Variants in TDRD5 observed in about 807,000 individuals in gnomAD.
TDRD5 encodes the protein tudor domain-containing protein 5.
TDRD5 carries 41 observed loss-of-function variants against 120.6 expected under a neutral mutation model. The observed-to-expected ratio is 0.34, with a 90% CI of 0.26 to 0.44. TDRD5 has a LOEUF of 0.44. Ranked by LOEUF, TDRD5 falls within the 20% of genes least tolerant of loss-of-function variation. The pLI is 1.00. For missense variants in TDRD5, 1,006 were observed against 1,221.2 expected (o/e 0.82, Z 2.63); for synonymous variants, 430 against 433.7 (o/e 0.99, Z 0.11).
chr1:179,629,449 G>T (rs904079160), intron 6 of TDRD5, among the ~76,000 whole-genome samples: 55 of 131,746 alleles, frequency 4.2e-4, no homozygotes, highest in African/African-American at 1.4e-3. Context: ...CACTAATTGA[G>T]TTTTTCAGTA....
At chr1:179,660,635 C>G (rs1243541806) in intron 14 of TDRD5, among the ~76,000 whole-genome samples, 2 of 152,072 alleles carry the variant, frequency 1.3e-5, no homozygotes, top group African/African-American at 2.4e-5. Flanking sequence ...TCTTTTTACC[C>G]CTTCCTTTTT....
intron 4 of TDRD5, among the ~76,000 whole-genome samples, chr1:179,613,964 G>A (rs1009525343): frequency 2.6e-5 from 4 of 152,240 alleles, no homozygotes; most frequent in Non-Finnish European, 4.4e-5. Context: ...AAGGTCTGAA[G>A]TATATTCATC....
intron 7 of TDRD5, among the ~76,000 whole-genome samples, chr1:179,631,986 A>G (rs1677481692): frequency 6.6e-6 from 1 of 150,688 alleles, no homozygotes. Context: ...GGCTCACTGC[A>G]ACCTCCGCCT....
At chr1:179,685,597 A>T (rs913099256) in intron 17 of TDRD5, among the ~76,000 whole-genome samples, 2 of 152,082 alleles carry the variant, frequency 1.3e-5, no homozygotes, top group Non-Finnish European at 2.9e-5. Flanking sequence ...TGGTAGTTTG[A>T]TGGGGATGGC....
At position 179,690,736 on chromosome 1, in the gene TDRD5, T is replaced by C. The variant is rs1187681263; in HGVS notation, c.2901T>C (p.Ser967=). The change falls in exon 18 of 18, where the codon TCT becomes TCC. Residue 967 remains serine (S), a synonymous_variant. Transcript: ENST00000444136. ...AGATCCTAAAGAATGAAGATTTTTC[T>C]AGCAGCCGTGCTATTACATTGTACA... is the stretch of plus-strand genomic sequence containing the variant. ...SPEILKNEDF[S]SSRAITLYKD... is the part of the protein sequence containing the mutation. 2 of 1,614,122 alleles carry C rather than the reference T, an allele frequency of 1.2e-6. No individual in the cohort carries two copies. The highest frequency in any genetic ancestry group is 2.2e-5 in the South Asian group (2 of 91,068).
At chr1:179,648,617 C>T (rs1678538058) in intron 11 of TDRD5, among the ~76,000 whole-genome samples, 1 of 150,412 alleles carries the variant, frequency 6.6e-6, no homozygotes, top group South Asian at 2.1e-4. Flanking sequence ...AAGAAACAAA[C>T]CACCCTGAGG....
chr1:179,640,532 GAT>G (rs1677989482), intron 11 of TDRD5, 87 bp downstream of exon 11: 4 of 1,367,336 alleles, frequency 2.9e-6, no homozygotes, highest in Non-Finnish European at 4.2e-6. Flanking sequence ...AGGATATGAA[GAT>G]AAAACGTAGA....
At chr1:179,617,319 G>C (rs144320552) in intron 4 of TDRD5, among the ~76,000 whole-genome samples, 2 of 152,140 alleles carry the variant, frequency 1.3e-5, no homozygotes, top group Non-Finnish European at 2.9e-5. Context: ...CCATGTAAGC[G>C]CTGCTTGCCA....
At chr1:179,656,163 G>T (rs1485175934) in intron 14 of TDRD5, among the ~76,000 whole-genome samples, 1 of 152,146 alleles carries the variant, frequency 6.6e-6, no homozygotes, top group East Asian at 1.9e-4. Flanking sequence ...ATCACAGCAT[G>T]ATTTTAAATT....
chr1:179,608,845 G>A (rs1676130106), intron 4 of TDRD5, among the ~76,000 whole-genome samples: 1 of 151,688 alleles, frequency 6.6e-6, no homozygotes, highest in Non-Finnish European at 1.5e-5. Context: ...TCATTGTTGG[G>A]CTTTACATAT....
intron 11 of TDRD5, among the ~76,000 whole-genome samples, chr1:179,647,501 C>G (rs1239069669): frequency 4.1e-4 from 62 of 151,950 alleles, no homozygotes; most frequent in Middle Eastern, 3.4e-3. Flanking sequence ...AAAAACCCTA[C>G]AAGAAAACCT....
At chr1:179,607,483 C>G (rs969358634) in intron 4 of TDRD5, among the ~76,000 whole-genome samples, 23 of 152,086 alleles carry the variant, frequency 1.5e-4, no homozygotes, top group African/African-American at 5.5e-4. Flanking sequence ...AGGGAACACT[C>G]TTTGCCTTGT....
At chr1:179,644,073 A>G (rs188368936) in intron 11 of TDRD5, among the ~76,000 whole-genome samples, 2 of 152,320 alleles carry the variant, frequency 1.3e-5, no homozygotes, top group Admixed American at 6.5e-5. Flanking sequence ...GAAAATATCT[A>G]TCAAAATGAA....
chr1:179,633,823 A>G (rs1677598401), intron 7 of TDRD5, among the ~76,000 whole-genome samples: 1 of 152,170 alleles, frequency 6.6e-6, no homozygotes. Context: ...TTTAATTTGA[A>G]CAAGAAGTAA....
chr1:179,689,965 G>T (rs1681031204), intron 17 of TDRD5, among the ~76,000 whole-genome samples: 2 of 152,168 alleles, frequency 1.3e-5, no homozygotes, highest in South Asian at 4.1e-4. Flanking sequence ...GGCTTCCCTT[G>T]GCTAGGAAAG....
intron 4 of TDRD5, among the ~76,000 whole-genome samples, chr1:179,605,827 C>A (rs753297625): frequency 1.6e-4 from 24 of 152,078 alleles, no homozygotes; most frequent in South Asian, 4.1e-4. Flanking sequence ...GAGTAATATT[C>A]CATTGTCTGG....
At chr1:179,627,404 TAC>T (rs1212765656) in intron 6 of TDRD5, among the ~76,000 whole-genome samples, 1 of 152,176 alleles carries the variant, frequency 6.6e-6, no homozygotes, top group Non-Finnish European at 1.5e-5. Context: ...GTAGACAAAG[TAC>T]AGTTACACAA....
At chr1:179,629,980 CT>C (rs34963950) in intron 6 of TDRD5, among the ~76,000 whole-genome samples, 310 of 139,342 alleles carry the variant, frequency 2.2e-3, no homozygotes, top group Middle Eastern at 3.7e-3. Context: ...TTTATTCCAA[CT>C]TTTTTTTTTT....
chr1:179,610,665 G>A (rs1406437775), intron 4 of TDRD5, among the ~76,000 whole-genome samples: 1 of 152,058 alleles, frequency 6.6e-6, no homozygotes, highest in Non-Finnish European at 1.5e-5. Flanking sequence ...TAAACATAGA[G>A]TCTGATTGTT....
Sources: allele counts gnomAD v4.1 joint callset (sites outside exome capture counted in the v4.1 genomes callset), GRCh38; gene constraint gnomAD v4.1.1; transcripts MANE v1.5; gene names NCBI Gene and HGNC (gene_info 2026-07-23, HGNC 2026-07-21).